Variants in NKAIN3 observed in about 807,000 individuals in gnomAD.
NKAIN3 encodes sodium/potassium transporting ATPase interacting 3, also known as sodium/potassium-transporting ATPase subunit beta-1-interacting protein 3.
NKAIN3 carries 25 observed loss-of-function variants against 30.2 expected under a neutral mutation model. The ratio of observed to expected loss-of-function variants is 0.83; its 90% CI spans 0.60 to 1.16. The LOEUF (loss-of-function observed/expected upper bound fraction) is 1.16. Among genes scored for constraint, NKAIN3 ranks in the 50% most tolerant of loss-of-function variants. The pLI, the probability that NKAIN3 is intolerant of heterozygous loss-of-function variation, is 0.00. For synonymous variants in NKAIN3, 91 were observed against 89.6 expected (o/e 1.02, Z -0.09); for missense variants, 225 against 254.1 (o/e 0.89, Z 0.78).
At chr8:62,288,665 A>C (rs938438520) in intron 1 of NKAIN3, among the ~76,000 whole-genome samples, 1 of 152,142 alleles carries the variant, frequency 6.6e-6, no homozygotes, top group Non-Finnish European at 1.5e-5. Flanking sequence ...GGATGGTTCC[A>C]AGTCTTTGCT....
intron 3 of NKAIN3, among the ~76,000 whole-genome samples, chr8:62,605,688 TTAAG>T (rs1430283891): frequency 6.6e-6 from 1 of 152,058 alleles, no homozygotes; most frequent in Non-Finnish European, 1.5e-5. Flanking sequence ...TTACACTATA[TTAAG>T]TATTACAAGT....
At chr8:62,377,779 C>CACCCTGTGGAGAG (rs1817137857) in intron 1 of NKAIN3, among the ~76,000 whole-genome samples, 1 of 152,150 alleles carries the variant, frequency 6.6e-6, no homozygotes, top group African/African-American at 2.4e-5. Context: ...GAGCTGCTTT[C>CACCCTGTGGAGAG]CGCCATGGTT....
chr8:62,638,652 T>G lies in NKAIN3; in HGVS notation c.273+48858T>G, dbSNP rs183752418. The stretch of plus-strand genomic sequence containing the variant: ...TGGCATCACTTATTAGTATTGCTGA[T>G]GCTGTTTCTTTTTTTCAACACTACC... On this transcript the variant is annotated intron_variant, in intron 3 of 6. Coordinates refer to ENST00000623646, the MANE Select transcript of NKAIN3 (RefSeq NM_001304533.3). 4.6e-5 allele frequency among the ~76,000 whole-genome samples: 7 copies of G among 152,278 alleles called. No homozygotes were observed. In the East Asian group the frequency reaches 1.4e-3, roughly 29 times the overall value.
intron 1 of NKAIN3, among the ~76,000 whole-genome samples, chr8:62,329,051 A>C (rs1815246351): frequency 6.6e-6 from 1 of 152,034 alleles, no homozygotes; most frequent in Non-Finnish European, 1.5e-5. Context: ...GAAGTGTCCC[A>C]GGAGGTGAGG....
At chr8:62,491,503 C>T (rs569481642) in intron 1 of NKAIN3, among the ~76,000 whole-genome samples, 1 of 152,274 alleles carries the variant, frequency 6.6e-6, no homozygotes, top group East Asian at 1.9e-4. Flanking sequence ...TCCTTTCCTT[C>T]TAGACTTTTC....
chr8:62,863,830 G>A, intron 4 of NKAIN3: 4 of 1,610,548 alleles, frequency 2.5e-6, no homozygotes, highest in Non-Finnish European at 1.7e-6. Context: ...CATTGAAGAG[G>A]TCTGCAATTT....
At chr8:62,469,878 C>G (rs1042403820) in intron 1 of NKAIN3, among the ~76,000 whole-genome samples, 1 of 152,146 alleles carries the variant, frequency 6.6e-6, no homozygotes, top group Non-Finnish European at 1.5e-5. Context: ...CATTGTATGG[C>G]TCAATACTTA....
At chr8:62,577,646 A>G (rs1413281892) in intron 1 of NKAIN3, among the ~76,000 whole-genome samples, 1 of 150,822 alleles carries the variant, frequency 6.6e-6, no homozygotes, top group South Asian at 2.1e-4. Flanking sequence ...GTTCCCAGGA[A>G]CTAATTTTTA....
At chr8:62,755,544 T>C (rs1017890166) in intron 4 of NKAIN3, among the ~76,000 whole-genome samples, 2 of 152,170 alleles carry the variant, frequency 1.3e-5, no homozygotes, top group Non-Finnish European at 1.5e-5. Flanking sequence ...CTCTTTTTTT[T>C]TCTCTTTTGC....
intron 1 of NKAIN3, among the ~76,000 whole-genome samples, chr8:62,269,159 A>T (rs1378782842): frequency 6.6e-6 from 1 of 152,194 alleles, no homozygotes; most frequent in Non-Finnish European, 1.5e-5. Context: ...AACATTGCTC[A>T]ATAAAACCCC....
intron 3 of NKAIN3, among the ~76,000 whole-genome samples, chr8:62,736,283 G>A (rs1428608934): frequency 6.6e-6 from 1 of 152,170 alleles, no homozygotes; most frequent in Non-Finnish European, 1.5e-5. Context: ...AGGGTGGGTA[G>A]AGAAAGACCT....
intron 6 of NKAIN3, among the ~76,000 whole-genome samples, chr8:62,964,579 C>T (rs1250986886): frequency 8.4e-6 from 1 of 118,384 alleles, no homozygotes; most frequent in Non-Finnish European, 1.9e-5. Context: ...TGTGTGTGTG[C>T]TTCCCCACAC....
At position 62,984,711 on chromosome 8, in the gene NKAIN3, T is replaced by C. The variant is rs1248067629; in HGVS notation, c.*19304T>C. 2.6e-5 allele frequency: 4 copies of C among 152,248 alleles called. No individual in the cohort carries two copies. Among genetic ancestry groups the C allele is most frequent in the African/African-American group, 9.6e-5 (4 of 41,466 alleles). 9.4% of individuals were successfully genotyped at this position (152,248 alleles called of 1,614,324 possible). A position where few individuals can be genotyped will look rare whatever the true frequency, so the allele number is the denominator to read the frequency against. ...TAACAAGACTTGCTTTCACAATTACTATTTACATTTTTGTGCATATAATGC... is the reference window on the plus strand; with the variant it reads ...TAACAAGACTTGCTTTCACAATTACCATTTACATTTTTGTGCATATAATGC... On this transcript the variant is annotated 3_prime_UTR_variant, in exon 7 of 7. Transcript: ENST00000623646.
chr8:62,921,027 C>T (rs1822259896), intron 5 of NKAIN3, among the ~76,000 whole-genome samples: 1 of 152,116 alleles, frequency 6.6e-6, no homozygotes, highest in Non-Finnish European at 1.5e-5. Context: ...ATGTCTGAAG[C>T]CAATTGCAAT....
At chr8:62,895,069 G>C (rs1053364657) in intron 4 of NKAIN3, among the ~76,000 whole-genome samples, 1 of 152,208 alleles carries the variant, frequency 6.6e-6, no homozygotes, top group Non-Finnish European at 1.5e-5. Flanking sequence ...TACTTTGCAA[G>C]TCCCAAATAC....
chr8:62,675,576 G>A (rs1301613517), intron 3 of NKAIN3, among the ~76,000 whole-genome samples: 1 of 152,134 alleles, frequency 6.6e-6, no homozygotes, highest in East Asian at 1.9e-4. Context: ...GAAATTCCAT[G>A]CTGGGCTTTG....
At chr8:62,460,279 G>A (rs575083387) in intron 1 of NKAIN3, among the ~76,000 whole-genome samples, 4 of 152,140 alleles carry the variant, frequency 2.6e-5, no homozygotes, top group African/African-American at 9.6e-5. Flanking sequence ...GGGTGTGGTG[G>A]CAGGTGCCTG....
At chr8:62,538,503 T>C (rs959775790) in intron 1 of NKAIN3, among the ~76,000 whole-genome samples, 1 of 152,122 alleles carries the variant, frequency 6.6e-6, no homozygotes, top group African/African-American at 2.4e-5. Context: ...TTTCCTTAAC[T>C]TTTCCCCCCT....
In NKAIN3 at chr8:62,310,266, A is replaced by G. The variant is rs150935679; in HGVS notation, c.54+61139A>G. ...GAAGATGATAAATGGCATTGAAGTTATTACTATAGAAATGAAAGCCAAATT... is the reference window on the plus strand; with the variant it reads ...GAAGATGATAAATGGCATTGAAGTTGTTACTATAGAAATGAAAGCCAAATT... On this transcript the variant is annotated intron_variant, in intron 1 of 6. Transcript: ENST00000623646. 5.2e-3 allele frequency among the ~76,000 whole-genome samples: 788 copies of G among 150,610 alleles called. 76 individuals carry two copies. The highest frequency in any genetic ancestry group is 0.019 in the African/African-American group (751 of 39,958).
Sources: allele counts gnomAD v4.1 joint callset (sites outside exome capture counted in the v4.1 genomes callset), GRCh38; gene constraint gnomAD v4.1.1; transcripts MANE v1.5; gene names NCBI Gene and HGNC (gene_info 2026-07-23, HGNC 2026-07-21).